The following CACNA1S variants were observed in gnomAD, a reference collection of about 807,000 sequenced individuals.
CACNA1S encodes the protein calcium voltage-gated channel subunit alpha1 S, also known as voltage-dependent L-type calcium channel subunit alpha-1S.
In CACNA1S, 126 loss-of-function variants were observed where a neutral mutation model predicts 207.4. The ratio of observed to expected loss-of-function variants is 0.61; its 90% CI spans 0.53 to 0.70. The LOEUF (loss-of-function observed/expected upper bound fraction) is 0.70. CACNA1S is among the 30% of genes least tolerant of loss of function. CACNA1S has a pLI of 0.00. For synonymous variants in CACNA1S, 960 were observed against 932.7 expected (o/e 1.03, Z -0.53); for missense variants, 2,349 against 2,422.8 (o/e 0.97, Z 0.64).
intron 2 of CACNA1S, among the ~76,000 whole-genome samples, chr1:201,102,534 C>T (rs147892933): frequency 1.1e-4 from 17 of 152,296 alleles, no homozygotes; most frequent in African/African-American, 3.9e-4. Flanking sequence ...CCGTGTTGCC[C>T]AGCTCCCACT....
chr1:201,087,595 A>G (rs112767655), intron 7 of CACNA1S, among the ~76,000 whole-genome samples: 10 of 152,168 alleles, frequency 6.6e-5, no homozygotes, highest in African/African-American at 2.4e-4. Flanking sequence ...CTCACCAGGA[A>G]GGAAGCGCTC....
chr1:201,071,246 T>A (rs1337538354), intron 16 of CACNA1S, among the ~76,000 whole-genome samples: 2 of 152,186 alleles, frequency 1.3e-5, no homozygotes, highest in African/African-American at 4.8e-5. Flanking sequence ...TACTGGATTC[T>A]ACTGTCTCCA....
intron 2 of CACNA1S, among the ~76,000 whole-genome samples, chr1:201,102,637 C>T (rs1292211163): frequency 1.3e-5 from 2 of 152,118 alleles, no homozygotes; most frequent in Admixed American, 6.6e-5. Context: ...GGACGACAGC[C>T]GACTAAGGTA....
intron 5 of CACNA1S, among the ~76,000 whole-genome samples, chr1:201,091,142 T>G (rs1662212784): frequency 6.6e-6 from 1 of 152,178 alleles, no homozygotes; most frequent in Non-Finnish European, 1.5e-5. Context: ...AACTGCTGCT[T>G]CAGCTCAAAT....
Position 201,061,282 on chromosome 1 carries a change from C to G in CACNA1S, c.3240G>C (p.Glu1080Asp), listed in dbSNP as rs559955919. 3.1e-6 allele frequency: 5 copies of G among 1,614,198 alleles called. No individual in the cohort carries two copies. In the African/African-American group the frequency reaches 6.7e-5, roughly 22 times the overall value. ...GCCCAGGCACCTGGTTCTTGTCCAG[C>G]TCACAGTTCTTGTACTCAGTCTCTC... ...EQGETEYKNC[E>D]LDKNQRQCVQ... The change falls in exon 25 of 44, where the codon GAG becomes GAC. Residue 1080 changes from glutamate to aspartate, a missense_variant. Coordinates refer to ENST00000362061, the MANE Select transcript of CACNA1S (RefSeq NM_000069.3).
rs2297905 is a variant in CACNA1S, at chr1:201,047,518, C to T, written c.4543+7G>A. The stretch of plus-strand genomic sequence containing the variant: ...TCTGGACTCTGGTCCCCCAAAGTAG[C>T]ACCTACCTCCTATTGGAGGGATGAC... On this transcript the variant is annotated splice_region_variant and intron_variant, in intron 37 of 43. Transcript: ENST00000362061. 0.13 allele frequency: 212,704 copies of T among 1,607,216 alleles called. 16,484 individuals carry two copies. The highest frequency in any genetic ancestry group is 0.35 in the African/African-American group (26,403 of 74,744).
chr1:201,061,474 G>T lies in CACNA1S; in HGVS notation c.3054-6C>A, dbSNP rs1414012957. On this transcript the variant is annotated splice_region_variant and splice_polypyrimidine_tract_variant and intron_variant, in intron 24 of 43. Transcript: ENST00000362061. ...CTATGGCCTTGTACAGCAGCCTGGG[G>T]GTGGGCAGAGAAGAGAGGACAGACT... is the stretch of plus-strand genomic sequence containing the variant. The T allele has an allele frequency of 6.2e-7, 1 of 1,613,194 alleles. No individual in the cohort carries two copies. Among genetic ancestry groups the T allele is most frequent in the Non-Finnish European group, 8.5e-7 (1 of 1,179,232 alleles).
chr1:201,066,174 G>A lies in CACNA1S; in HGVS notation c.2745+55C>T, dbSNP rs963526497. 1 of 1,517,074 alleles carries A rather than the reference G, an allele frequency of 6.6e-7. No homozygotes were observed. The highest frequency in any genetic ancestry group is 9.2e-7 in the Non-Finnish European group (1 of 1,092,020). 94.0% of individuals were successfully genotyped at this position (1,517,074 alleles called of 1,614,324 possible). On this transcript the variant is annotated intron_variant, in intron 21 of 43. Transcript: ENST00000362061. This position sits in a 1 kb window ranked among gnomAD's most constrained non-coding sequence, Gnocchi z 4.3. The stretch of plus-strand genomic sequence containing the variant: ...GGGCTGAGGTTTCTGGAGCGAGGAG[G>A]CCCCTGTAACCCCTCCCATTCCTCT...
intron 2 of CACNA1S, among the ~76,000 whole-genome samples, chr1:201,097,456 T>A (rs1042411288): frequency 3.8e-4 from 58 of 152,118 alleles, no homozygotes; most frequent in African/African-American, 1.4e-3. Flanking sequence ...CCTTTGCTCA[T>A]CCCGGCCCCT....
intron 15 of CACNA1S, 141 bp downstream of exon 15, chr1:201,073,408 C>A (rs561000214): frequency 3.9e-6 from 3 of 776,854 alleles, no homozygotes; most frequent in Non-Finnish European, 4.6e-6. Flanking sequence ...TCCCTCCAGT[C>A]GTACGCAGGG....
rs186266670 is a variant in CACNA1S, at chr1:201,048,374, C to T, written c.4441+208G>A. ...ACAGCTGAGGAGTGTGGGAACAGAC[C>T]CTTGATGATCTTTGCCCTGCAGAAA... On this transcript the variant is annotated intron_variant, in intron 36 of 43. Coordinates refer to ENST00000362061, the MANE Select transcript of CACNA1S (RefSeq NM_000069.3). Among the ~76,000 whole-genome samples, 11 of 152,266 alleles carry T rather than the reference C, an allele frequency of 7.2e-5. No individual in the cohort carries two copies. The South Asian group carries it at 1.0e-3, about 14-fold the overall frequency.
At position 201,047,507 on chromosome 1, in the gene CACNA1S, C is replaced by G; in HGVS notation, c.4543+18G>C. 1.3e-6 allele frequency: 2 copies of G among 1,593,244 alleles called. No individual in the cohort carries two copies. The highest frequency in any genetic ancestry group is 1.7e-6 in the Non-Finnish European group (2 of 1,161,034). ...CCTTGGCTGCTTCTGGACTCTGGTC[C>G]CCCAAAGTAGCACCTACCTCCTATT... On this transcript the variant is annotated intron_variant, in intron 37 of 43. Coordinates refer to ENST00000362061, the MANE Select transcript of CACNA1S (RefSeq NM_000069.3).
intron 2 of CACNA1S, among the ~76,000 whole-genome samples, chr1:201,095,894 C>T (rs1662407017): frequency 6.6e-6 from 1 of 152,142 alleles, no homozygotes; most frequent in Non-Finnish European, 1.5e-5. Flanking sequence ...TGAGTGGTCT[C>T]CCCTCCTCTG....
Position 201,069,522 on chromosome 1 carries a change from C to T in CACNA1S, c.2440G>A (p.Ala814Thr), listed in dbSNP as rs139956524. The T allele has an allele frequency of 1.9e-3, 3,046 of 1,592,980 alleles. 6 individuals carry two copies. The highest frequency in any genetic ancestry group is 2.4e-3 in the Non-Finnish European group (2,766 of 1,171,232). The change falls in exon 18 of 44, where the codon GCT becomes ACT. Residue 814 changes from alanine to threonine, a missense_variant. Ala to Thr is a moderately conservative substitution (Grantham distance 58). Transcript: ENST00000362061. ...ATGGGGTCTTCCGCAGCCAGTGCAG[C>T]GCTGCTGAGCAGGATGAAGAGCAGG... The part of the protein sequence containing the change: ...FILLFILLSS[A>T]ALAAEDPIRA...
chr1:201,046,428 T>C (rs1023078837), intron 38 of CACNA1S, among the ~76,000 whole-genome samples: 3 of 151,038 alleles, frequency 2.0e-5, no homozygotes, highest in African/African-American at 7.3e-5. Context: ...TGATCCGCCC[T>C]TCTTGGCCTC....
chr1:201,058,158 TC>T (rs1237112521), intron 28 of CACNA1S, among the ~76,000 whole-genome samples: 2 of 152,178 alleles, frequency 1.3e-5, no homozygotes, highest in African/African-American at 4.8e-5. Flanking sequence ...GAGACGACTT[TC>T]CTTTCCGTTA....
At chr1:201,048,839 A>T (rs968215736) in intron 35 of CACNA1S, among the ~76,000 whole-genome samples, 155 bp from the exon 36 acceptor site, 4 of 152,214 alleles carry the variant, frequency 2.6e-5, no homozygotes, top group African/African-American at 9.6e-5. Flanking sequence ...CAGAATGATG[A>T]GTTGGGTGAC....
In CACNA1S at chr1:201,093,959, G is replaced by A. The variant is rs772876806; in HGVS notation, c.321C>T (p.Ala107=). The change falls in exon 3 of 44, where the codon GCC becomes GCT. Residue 107 remains alanine, a synonymous_variant. Coordinates refer to ENST00000362061, the MANE Select transcript of CACNA1S (RefSeq NM_000069.3). The part of the protein sequence containing the change: ...FSIEAAMKII[A]YGFLFHQDAY... ...CGTCCTGGTGGAATAAGAAGCCGTA[G>A]GCAATGATCTTCATGGCGGCTTCAA... 5.0e-6 allele frequency: 8 copies of A among 1,614,082 alleles called. No individual in the cohort carries two copies. In the Admixed American group the frequency reaches 1.2e-4, roughly 24 times the overall value.
At position 201,040,256 on chromosome 1, in the gene CACNA1S, G is replaced by C; in HGVS notation, c.5345C>G (p.Pro1782Arg). The C allele has an allele frequency of 6.2e-7, 1 of 1,613,766 alleles. No homozygotes were observed. Among genetic ancestry groups the C allele is most frequent in the Non-Finnish European group, 8.5e-7 (1 of 1,179,996 alleles). The part of the protein sequence containing the change: ...TRENTSRCSA[P>R]ATALLIQKAL... ...CTTTTGGATCAGCAGGGCTGTAGCT[G>C]GTGCTGAGCACCTGGAAGTATTCTC... Residue 1782 changes from proline (P) to arginine (R), a missense_variant, in exon 43 of 44, where the codon CCA becomes CGA. Coordinates refer to ENST00000362061, the MANE Select transcript of CACNA1S (RefSeq NM_000069.3).
Sources: gnomAD v4.1 joint callset for allele counts (sites outside exome capture counted in the v4.1 genomes callset) on GRCh38, gnomAD v4.1.1 for gene constraint, Gnocchi (gnomAD v3.1) non-coding constraint, MANE v1.5 for transcripts, NCBI Gene and HGNC (gene_info 2026-07-23, HGNC 2026-07-21) for gene names.